ANO2: variants seen among roughly 807,000 people sequenced by gnomAD.
ANO2 encodes the protein anoctamin-2.
ANO2 carries 101 observed loss-of-function variants against 124.2 expected under a neutral mutation model. The ratio of observed to expected loss-of-function variants is 0.81; its 90% CI spans 0.69 to 0.96. The LOEUF (loss-of-function observed/expected upper bound fraction) is 0.96, where lower values mean the gene tolerates loss of function less well. Among genes scored for constraint, ANO2 ranks in the 40% least tolerant of loss-of-function variants. The probability of loss-of-function intolerance (pLI) is 0.00; values close to 1 mark genes in which losing one functional copy is unlikely to be tolerated. For missense variants in ANO2, 1,293 were observed against 1,274.5 expected (o/e 1.01, Z -0.22); for synonymous variants, 486 against 482.5 (o/e 1.01, Z -0.09).
chr12:5,803,443 G>C (rs1186052067), intron 9 of ANO2, among the ~76,000 whole-genome samples: 1 of 152,164 alleles, frequency 6.6e-6, no homozygotes, highest in Non-Finnish European at 1.5e-5. Flanking sequence ...ACCTGCAAAG[G>C]CTGGAAAATC....
intron 3 of ANO2, among the ~76,000 whole-genome samples, chr12:5,855,771 A>C (rs754294905): frequency 6.6e-5 from 10 of 152,252 alleles, no homozygotes; most frequent in Non-Finnish European, 1.5e-4. Flanking sequence ...TGATTTGCCC[A>C]AAGTTACACA....
intron 10 of ANO2, among the ~76,000 whole-genome samples, chr12:5,789,107 G>T (rs778227900): frequency 6.6e-6 from 1 of 152,212 alleles, no homozygotes; most frequent in Non-Finnish European, 1.5e-5. Context: ...AGAGATCACC[G>T]CAGGATGAAC....
chr12:5,900,951 C>A lies in ANO2; in HGVS notation c.534+20089G>T, dbSNP rs1209512687. On this transcript the variant is annotated intron_variant, in intron 3 of 24. Transcript: ENST00000682330. This position sits in a 1 kb window ranked among gnomAD's most constrained non-coding sequence, Gnocchi z 4.2. The stretch of plus-strand genomic sequence containing the variant: ...CAGCACTTTGATGGCTTTTTGTATT[C>A]ATCAATTCAGACGTTCTCCTGGGGA... 6.6e-6 allele frequency among the ~76,000 whole-genome samples: 1 copy of A among 152,162 alleles called. No individual in the cohort carries two copies. The highest frequency in any genetic ancestry group is 1.5e-5 in the Non-Finnish European group (1 of 68,034).
At chr12:5,931,526 G>C (rs575589904) in intron 1 of ANO2, among the ~76,000 whole-genome samples, 25 of 148,210 alleles carry the variant, frequency 1.7e-4, no homozygotes, top group Admixed American at 4.1e-4. Flanking sequence ...AGACAGACTA[G>C]TAAGGAAGGA....
At chr12:5,755,847 A>C (rs1951566637) in intron 10 of ANO2, among the ~76,000 whole-genome samples, 1 of 152,210 alleles carries the variant, frequency 6.6e-6, no homozygotes, top group Admixed American at 6.5e-5. Context: ...CTTTGGGTTC[A>C]ATGTACTTGG....
chr12:5,818,446 ATTATATATAT>A (rs1457776467), intron 7 of ANO2, among the ~76,000 whole-genome samples: 3 of 79,362 alleles, frequency 3.8e-5, no homozygotes, highest in Non-Finnish European at 7.2e-5. Flanking sequence ...ATAAACTCAT[ATTATATATAT>A]ATATATATAT....
intron 15 of ANO2, among the ~76,000 whole-genome samples, chr12:5,642,706 T>A (rs570471715): frequency 1.3e-5 from 2 of 152,114 alleles, no homozygotes; most frequent in Non-Finnish European, 2.9e-5. Flanking sequence ...TCATCTCACA[T>A]AGAATTAGCC....
At chr12:5,782,660 C>A (rs1216634031) in intron 10 of ANO2, among the ~76,000 whole-genome samples, 1 of 152,128 alleles carries the variant, frequency 6.6e-6, no homozygotes, top group Admixed American at 6.5e-5. Flanking sequence ...CATAGGAAAT[C>A]TACATTTTAT....
intron 3 of ANO2, among the ~76,000 whole-genome samples, chr12:5,899,936 G>C (rs1366140559): frequency 6.6e-6 from 1 of 152,218 alleles, no homozygotes; most frequent in South Asian, 2.1e-4. Context: ...TGTGTTTCAA[G>C]CTGCAGCTGT....
At chr12:5,934,790 T>A (rs1214254257) in intron 1 of ANO2, among the ~76,000 whole-genome samples, 1 of 152,194 alleles carries the variant, frequency 6.6e-6, no homozygotes, top group Non-Finnish European at 1.5e-5. Flanking sequence ...TCCGTGTCCC[T>A]CATCATTCTC....
chr12:5,844,869 G>GTTTGTTTT lies in ANO2; in HGVS notation c.633+9173_633+9174insAAAACAAA, dbSNP rs978704679. ...TGTTTGTTTGTTTGTTTGTTTGTTT[G>GTTTGTTTT]TTTTTACTACAAGGCTTCTCAAAAC... On this transcript the variant is annotated intron_variant, in intron 4 of 24. Coordinates refer to ENST00000682330, the MANE Select transcript of ANO2 (RefSeq NM_001364791.2). Among the ~76,000 whole-genome samples, 6 of 150,466 alleles carry GTTTGTTTT rather than the reference G, an allele frequency of 4.0e-5. No homozygotes were observed. In the East Asian group the frequency reaches 9.7e-4, roughly 24 times the overall value.
At position 5,831,916 on chromosome 12, in the gene ANO2, AC is replaced by A. The variant is rs561383449; in HGVS notation, c.785+535del. ...TCCCAGCTGTGGCTCCCCCTTCCAA[AC>A]GTTTCCAAGTGGCTATCTCTGTGAA... On this transcript the variant is annotated intron_variant, in intron 5 of 24. Coordinates refer to ENST00000682330, the MANE Select transcript of ANO2 (RefSeq NM_001364791.2). Among the ~76,000 whole-genome samples, 295 of 151,956 alleles carry A rather than the reference AC, an allele frequency of 1.9e-3. 4 individuals carry two copies. The highest frequency in any genetic ancestry group is 6.8e-3 in the African/African-American group (280 of 41,438).
chr12:5,627,792 C>T (rs1168327324), intron 16 of ANO2, among the ~76,000 whole-genome samples: 4 of 152,106 alleles, frequency 2.6e-5, no homozygotes, highest in Non-Finnish European at 4.4e-5. Flanking sequence ...AAAGTTTAGA[C>T]TCAAGACTTC....
At chr12:5,572,773 T>C (rs1468863500) in intron 23 of ANO2, among the ~76,000 whole-genome samples, 2 of 152,180 alleles carry the variant, frequency 1.3e-5, no homozygotes, top group Non-Finnish European at 2.9e-5. Context: ...TTTCTGCAAA[T>C]AAATTTTTTT....
intron 3 of ANO2, among the ~76,000 whole-genome samples, chr12:5,870,889 CA>C (rs1209824553): frequency 6.6e-6 from 1 of 152,214 alleles, no homozygotes; most frequent in African/African-American, 2.4e-5. Flanking sequence ...GGTGCTATTT[CA>C]GGGGGGCACT....
At chr12:5,685,347 G>A (rs1402278192) in intron 14 of ANO2, among the ~76,000 whole-genome samples, 3 of 152,164 alleles carry the variant, frequency 2.0e-5, no homozygotes, top group East Asian at 1.9e-4. Flanking sequence ...GGGTCTCCAC[G>A]AGTCTCCATG....
At chr12:5,903,946 C>A (rs1940500296) in intron 3 of ANO2, among the ~76,000 whole-genome samples, 1 of 152,152 alleles carries the variant, frequency 6.6e-6, no homozygotes, top group Admixed American at 6.5e-5. Flanking sequence ...AGATTAAGCA[C>A]TCACCCTCCG....
chr12:5,660,647 C>G (rs1381127176), intron 14 of ANO2, among the ~76,000 whole-genome samples: 2 of 152,078 alleles, frequency 1.3e-5, no homozygotes, highest in Non-Finnish European at 2.9e-5. Context: ...CATCTCCTAA[C>G]TGGCTTTTTA....
Position 5,787,521 on chromosome 12 carries a change from A to G in ANO2, c.1055+11986T>C, listed in dbSNP as rs140431649. ...CAACCTTGTGACTTTGGGCCACTTA[A>G]TAATGTCTTTGTGCTTCAATTTCCT... is the stretch of plus-strand genomic sequence containing the variant. On this transcript the variant is annotated intron_variant, in intron 10 of 24. Coordinates refer to ENST00000682330, the MANE Select transcript of ANO2 (RefSeq NM_001364791.2). The surrounding 1 kb of genome is among the most constrained non-coding windows in gnomAD (Gnocchi z 4.2). Among the ~76,000 whole-genome samples, 267 of 152,230 alleles carry G rather than the reference A, an allele frequency of 1.8e-3. 1 individual carries two copies. Among genetic ancestry groups the G allele is most frequent in the Non-Finnish European group, 3.7e-4 (25 of 67,998 alleles).
Sources: gnomAD v4.1 joint callset for allele counts (sites outside exome capture counted in the v4.1 genomes callset) on GRCh38, gnomAD v4.1.1 for gene constraint, Gnocchi (gnomAD v3.1) non-coding constraint, MANE v1.5 for transcripts, NCBI Gene and HGNC (gene_info 2026-07-23, HGNC 2026-07-21) for gene names.